The following KDF1 variants were observed in gnomAD, a reference collection of about 807,000 sequenced individuals.
KDF1 encodes keratinocyte differentiation factor 1.
A neutral mutation model predicts 31.6 loss-of-function variants in KDF1; 11 were observed. The ratio of observed to expected loss-of-function variants is 0.35; its 90% confidence interval spans 0.22 to 0.58. The LOEUF (loss-of-function observed/expected upper bound fraction) is 0.58, where lower values mean the gene tolerates loss of function less well. Ranked by LOEUF, KDF1 falls within the 20% of genes least tolerant of loss-of-function variation. The probability of loss-of-function intolerance (pLI) is 0.83; values close to 1 mark genes in which losing one functional copy is unlikely to be tolerated. For missense variants in KDF1, 476 were observed against 549.1 expected, an observed-to-expected ratio of 0.87 and a Z score of 1.33; for synonymous variants, 205 against 214.4, an observed-to-expected ratio of 0.96 and a Z score of 0.38.
intron 1 of KDF1, among the ~76,000 whole-genome samples, chr1:26,954,408 G>C (rs2082367375): frequency 6.6e-6 from 1 of 151,878 alleles, no homozygotes; most frequent in East Asian, 2.0e-4. Flanking sequence ...ATTTTTAGTA[G>C]AGACAGGATT....
Position 26,960,220 on chromosome 1 carries a change from C to A in KDF1, c.-33+130G>T, listed in dbSNP as rs575939683. ...GCCGCTCCCCAGCCCGGCCCGCGCA[C>A]CCCGGAAGTAGGAGGGTGGCCCCCG... On this transcript the variant is annotated intron_variant, in intron 1 of 3. Transcript: ENST00000320567. The surrounding 1 kb of genome is among the most constrained non-coding windows in gnomAD (Gnocchi z 4.9). 1 of 152,486 alleles carries A rather than the reference C, an allele frequency of 6.6e-6. No individual in the cohort carries two copies. Among genetic ancestry groups the A allele is most frequent in the East Asian group, 1.9e-4 (1 of 5,164 alleles). 9.4% of individuals were successfully genotyped at this position (152,486 alleles called of 1,614,324 possible).
chr1:26,950,873 A>G lies in KDF1; in HGVS notation c.1040-117T>C. On this transcript the variant is annotated intron_variant, in intron 2 of 3. Transcript: ENST00000320567. This position sits in a 1 kb window ranked among gnomAD's most constrained non-coding sequence, Gnocchi z 4.0. ...CACTCACTCCTGGGCAGGGCTAGAA[A>G]AATAATGCTTAAAGACAGAGACATA... 1.2e-6 allele frequency: 1 copy of G among 856,144 alleles called. No individual in the cohort carries two copies. The highest frequency in any genetic ancestry group is 1.7e-5 in the African/African-American group (1 of 59,420). 53.0% of individuals were successfully genotyped at this position (856,144 alleles called of 1,614,324 possible).
Position 26,950,132 on chromosome 1 carries a change from G to A in KDF1, c.1134C>T (p.Asp378=). The A allele has an allele frequency of 6.2e-7, 1 of 1,613,866 alleles. No homozygotes were observed. Among genetic ancestry groups the A allele is most frequent in the Non-Finnish European group, 8.5e-7 (1 of 1,179,798 alleles). ...CTGTGTCGGTGCCCTGGAAGGATGA[G>A]TCATGGCTTGCTGGGTACCCTGGTA... ...YGAPGYPASH[D]SSFQGTDTDS... is the part of the protein sequence containing the mutation. Residue 378 remains aspartate (D), a synonymous_variant, in exon 4 of 4, where the codon GAC becomes GAT. Coordinates refer to ENST00000320567, the MANE Select transcript of KDF1 (RefSeq NM_152365.3). This position sits in a 1 kb window ranked among gnomAD's most constrained non-coding sequence, Gnocchi z 4.0.
At position 26,949,699 on chromosome 1, in the gene KDF1, CTG is replaced by C. The variant is rs1193528212; in HGVS notation, c.*368_*369del. On this transcript the variant is annotated 3_prime_UTR_variant, in exon 4 of 4. Transcript: ENST00000320567. ...TACATTTAAGATAAGCTTCTTTTAACTGTTGAATTACCCCAGGGAGGGAGAAG... is the reference window on the plus strand; with the variant it reads ...TACATTTAAGATAAGCTTCTTTTAACTTGAATTACCCCAGGGAGGGAGAAG... The C allele has an allele frequency of 8.4e-6, 2 of 236,904 alleles. No homozygotes were observed. The highest frequency in any genetic ancestry group is 1.7e-5 in the Non-Finnish European group (2 of 119,354). 14.7% of individuals were successfully genotyped at this position (236,904 alleles called of 1,614,324 possible). A position where few individuals can be genotyped will look rare whatever the true frequency, so the allele number is the denominator to read the frequency against.
At chr1:26,955,870 G>A (rs1316873614) in intron 1 of KDF1, among the ~76,000 whole-genome samples, 2 of 152,148 alleles carry the variant, frequency 1.3e-5, no homozygotes, top group South Asian at 2.1e-4. Context: ...CAGGAGAATC[G>A]CTTGAACTTG....
chr1:26,953,079 T>G (rs1245478203), intron 1 of KDF1, among the ~76,000 whole-genome samples: 1 of 152,230 alleles, frequency 6.6e-6, no homozygotes, highest in Admixed American at 6.5e-5. Flanking sequence ...AATTGTGGAT[T>G]GTATACATTA....
Position 26,951,957 on chromosome 1 carries a change from G to C in KDF1, c.424C>G (p.Pro142Ala). The C allele has an allele frequency of 6.2e-7, 1 of 1,606,596 alleles. No homozygotes were observed. The highest frequency in any genetic ancestry group is 8.5e-7 in the Non-Finnish European group (1 of 1,174,796). The change falls in exon 2 of 4, where the codon CCC becomes GCC. Residue 142 changes from proline (P) to alanine (A), a missense_variant. Coordinates refer to ENST00000320567, the MANE Select transcript of KDF1 (RefSeq NM_152365.3). The surrounding 1 kb of genome is among the most constrained non-coding windows in gnomAD (Gnocchi z 5.4). ...NGVPPSPDRAPPSRRDGQRLK... is the reference protein window; with the variant it reads ...NGVPPSPDRAAPSRRDGQRLK... ...CGCTGGCCATCCCGCCGGCTGGGGGGTGCACGATCAGGGCTGGGGGGCACT... is the reference window on the plus strand; with the variant it reads ...CGCTGGCCATCCCGCCGGCTGGGGGCTGCACGATCAGGGCTGGGGGGCACT...
rs760644538 is a variant in KDF1, at chr1:26,952,080, G to A, written c.301C>T (p.Arg101Cys). The A allele has an allele frequency of 6.8e-6, 11 of 1,613,238 alleles. No individual in the cohort carries two copies. The highest frequency in any genetic ancestry group is 4.5e-5 in the East Asian group (2 of 44,894). ...CATCCCCGCACACAGGCTCCACAGC[G>A]CTGGAGGCAATCCCGGCAGCGGCGG... ...CFRRCRDCLQ[R>C]CGACVRGCSP... Residue 101 changes from arginine to cysteine, a missense_variant, in exon 2 of 4, where the codon CGC (arginine) becomes TGC (cysteine). This residue lies in a region of KDF1 where 330 missense variants were observed against 332.3 expected (regional missense o/e 0.99). Coordinates refer to ENST00000320567, the MANE Select transcript of KDF1 (RefSeq NM_152365.3). The surrounding 1 kb of genome is among the most constrained non-coding windows in gnomAD (Gnocchi z 4.1).
chr1:26,958,130 C>CTTTT (rs537884216), intron 1 of KDF1, among the ~76,000 whole-genome samples: 3 of 119,734 alleles, frequency 2.5e-5, no homozygotes, highest in Non-Finnish European at 3.5e-5. Context: ...GTTCTAAATT[C>CTTTT]TTTTTTTTTT....
chr1:26,954,688 C>A (rs2082368453), intron 1 of KDF1, among the ~76,000 whole-genome samples: 1 of 150,024 alleles, frequency 6.7e-6, no homozygotes, highest in South Asian at 2.1e-4. Flanking sequence ...CAAAAATTAG[C>A]TAGGTATGGT....
At chr1:26,957,803 A>G (rs559913299) in intron 1 of KDF1, among the ~76,000 whole-genome samples, 20 of 151,762 alleles carry the variant, frequency 1.3e-4, no homozygotes, top group African/African-American at 4.8e-4. Context: ...TGTGTGCCAC[A>G]TGCTGGATTT....
rs773978155 is a variant in KDF1, at chr1:26,952,262, C to T, written c.119G>A (p.Arg40His). 1.2e-5 allele frequency: 19 copies of T among 1,584,052 alleles called. No individual in the cohort carries two copies. Among genetic ancestry groups the T allele is most frequent in the Middle Eastern group, 1.7e-4 (1 of 5,944 alleles). ...CTTGGGGTCTGGTCTACGGGTGCGG[C>T]GGCTTGGTGGGGGCTGAGGTGGTTT... The part of the protein sequence containing the change: ...YDKPPQPPPS[R>H]RTRRPDPKDP... The change falls in exon 2 of 4, where the codon CGC becomes CAC. Residue 40 changes from arginine to histidine, a missense_variant. Physicochemically the swap from Arg to His is conservative, Grantham distance 29 (BLOSUM62 0). Around this residue, in one of 2 missense-constraint regions of KDF1, gnomAD observed 330 missense variants for 332.3 expected, o/e 0.99. Transcript: ENST00000320567. This position sits in a 1 kb window ranked among gnomAD's most constrained non-coding sequence, Gnocchi z 4.1.
At position 26,951,194 on chromosome 1, in the gene KDF1, G is replaced by T; in HGVS notation, c.1039+148C>A. On this transcript the variant is annotated intron_variant, in intron 2 of 3. Coordinates refer to ENST00000320567, the MANE Select transcript of KDF1 (RefSeq NM_152365.3). This position sits in a 1 kb window ranked among gnomAD's most constrained non-coding sequence, Gnocchi z 5.4. ...GAAGGGCCAGAGTGGGAGCTGGGGA[G>T]AGGGGATGCAAGAGTTGACAGAAAG... 1.1e-6 allele frequency: 1 copy of T among 889,170 alleles called. No homozygotes were observed. Among genetic ancestry groups the T allele is most frequent in the Non-Finnish European group, 1.7e-6 (1 of 602,216 alleles). 55.1% of individuals were successfully genotyped at this position (889,170 alleles called of 1,614,324 possible).
Position 26,950,011 on chromosome 1 carries a change from T to C in KDF1, c.*58A>G. The C allele has an allele frequency of 6.5e-7, 1 of 1,546,098 alleles. No homozygotes were observed. Among genetic ancestry groups the C allele is most frequent in the Non-Finnish European group, 8.9e-7 (1 of 1,120,666 alleles). ...CCCACAGGGGTTCCTGGTCCCCCTC[T>C]TCATTCTGTAGGCCATGCTTCTCCC... On this transcript the variant is annotated 3_prime_UTR_variant, in exon 4 of 4. Coordinates refer to ENST00000320567, the MANE Select transcript of KDF1 (RefSeq NM_152365.3). The surrounding 1 kb of genome is among the most constrained non-coding windows in gnomAD (Gnocchi z 4.0).
At position 26,950,633 on chromosome 1, in the gene KDF1, C is replaced by G. The variant is rs1246412346; in HGVS notation, c.1114+49G>C. 1 of 1,535,592 alleles carries G rather than the reference C, an allele frequency of 6.5e-7. No individual in the cohort carries two copies. Among genetic ancestry groups the G allele is most frequent in the African/African-American group, 1.4e-5 (1 of 73,192 alleles). On this transcript the variant is annotated intron_variant, in intron 3 of 3. Transcript: ENST00000320567. The surrounding 1 kb of genome is among the most constrained non-coding windows in gnomAD (Gnocchi z 4.0). Reference sequence around the variant, plus strand: ...TGGGAGAGCAGCAGGTGAGGGGCCCCTAGGGTAGTCCCCCACCCTCCACAC... The same window carrying G: ...TGGGAGAGCAGCAGGTGAGGGGCCCGTAGGGTAGTCCCCCACCCTCCACAC...
chr1:26,950,868 T>C lies in KDF1; in HGVS notation c.1040-112A>G. 1.1e-6 allele frequency: 1 copy of C among 902,456 alleles called. No homozygotes were observed. The highest frequency in any genetic ancestry group is 1.8e-6 in the Non-Finnish European group (1 of 561,856). The allele number at this position is 902,456 out of a possible 1,614,324, so 55.9% of individuals were successfully genotyped here. On this transcript the variant is annotated intron_variant, in intron 2 of 3. Coordinates refer to ENST00000320567, the MANE Select transcript of KDF1 (RefSeq NM_152365.3). This position sits in a 1 kb window ranked among gnomAD's most constrained non-coding sequence, Gnocchi z 4.0. ...GGAGCCACTCACTCCTGGGCAGGGCTAGAAAAATAATGCTTAAAGACAGAG... is the reference window on the plus strand; with the variant it reads ...GGAGCCACTCACTCCTGGGCAGGGCCAGAAAAATAATGCTTAAAGACAGAG...
chr1:26,956,855 G>A (rs2082379364), intron 1 of KDF1, among the ~76,000 whole-genome samples: 2 of 152,184 alleles, frequency 1.3e-5, no homozygotes, highest in Admixed American at 1.3e-4. Context: ...AAAGTTATGT[G>A]TGTGTAGAGA....
chr1:26,954,255 A>T (rs1330893259), intron 1 of KDF1, among the ~76,000 whole-genome samples: 2 of 144,476 alleles, frequency 1.4e-5, no homozygotes, highest in African/African-American at 2.6e-5. Context: ...ACGGAGTCTC[A>T]CTCCGTTACT....
chr1:26,956,852 T>C (rs1479765172), intron 1 of KDF1, among the ~76,000 whole-genome samples: 1 of 152,170 alleles, frequency 6.6e-6, no homozygotes, highest in Non-Finnish European at 1.5e-5. Flanking sequence ...ACAAAAGTTA[T>C]GTGTGTGTAG....
Sources: allele counts gnomAD v4.1 joint callset (sites outside exome capture counted in the v4.1 genomes callset), GRCh38; gene constraint gnomAD v4.1.1; regional missense constraint gnomAD v4.1.1; non-coding constraint Gnocchi (gnomAD v3.1); transcripts MANE v1.5; gene names NCBI Gene and HGNC (gene_info 2026-07-23, HGNC 2026-07-21).